The following FCHSD2 variants were observed in gnomAD, a reference collection of about 807,000 sequenced individuals.
FCHSD2 encodes the protein FCH and double SH3 domains 2.
In FCHSD2, 38 loss-of-function variants were observed where a neutral mutation model predicts 108.1. That is an observed-to-expected ratio of 0.35 (90% CI 0.27 to 0.46). The LOEUF is 0.46. Among genes scored for constraint, FCHSD2 ranks in the 20% least tolerant of loss-of-function variants. The probability of loss-of-function intolerance (pLI) is 1.00; values close to 1 mark genes in which losing one functional copy is unlikely to be tolerated. For missense variants in FCHSD2, 751 were observed against 897.8 expected (o/e 0.84, Z 2.09); for synonymous variants, 279 against 314.7 (o/e 0.89, Z 1.20).
intron 14 of FCHSD2, among the ~76,000 whole-genome samples, chr11:72,849,280 G>A (rs1484987760): frequency 6.6e-6 from 1 of 152,158 alleles, no homozygotes; most frequent in Admixed American, 6.5e-5. Flanking sequence ...GCTGGACATC[G>A]TCCTCGGGGC....
At chr11:73,005,989 C>T (rs1299951842) in intron 4 of FCHSD2, among the ~76,000 whole-genome samples, 2 of 151,506 alleles carry the variant, frequency 1.3e-5, no homozygotes, top group Non-Finnish European at 1.5e-5. Context: ...CTTACTACAG[C>T]CTCGAACCCC....
intron 9 of FCHSD2, among the ~76,000 whole-genome samples, chr11:72,913,295 G>A (rs1565319736): frequency 6.6e-6 from 1 of 152,070 alleles, no homozygotes; most frequent in Non-Finnish European, 1.5e-5. Context: ...TTGAGACAGA[G>A]TCTCAGTCTG....
intron 8 of FCHSD2, among the ~76,000 whole-genome samples, chr11:72,925,165 T>C (rs997498418): frequency 3.3e-5 from 5 of 152,176 alleles, no homozygotes; most frequent in African/African-American, 1.2e-4. Context: ...CTGTGCTAGC[T>C]GTATGGGTGC....
chr11:72,995,441 C>T (rs949546730), intron 5 of FCHSD2, among the ~76,000 whole-genome samples: 1 of 151,988 alleles, frequency 6.6e-6, no homozygotes, highest in Non-Finnish European at 1.5e-5. Flanking sequence ...GTGGCTCACA[C>T]CTGTAATCTT....
chr11:73,120,818 G>T (rs1860715299), intron 2 of FCHSD2, among the ~76,000 whole-genome samples: 1 of 151,042 alleles, frequency 6.6e-6, no homozygotes, highest in Non-Finnish European at 1.5e-5. Context: ...ACAGTCTGGA[G>T]GTGAAGATAT....
chr11:72,838,534 C>A lies in FCHSD2; in HGVS notation c.*257G>T. ...AGACCACTGTTAGGCATGAGGGCTGCCCCCCTCTTTGCTCCTAGGGTCCGC... is the reference window on the plus strand; with the variant it reads ...AGACCACTGTTAGGCATGAGGGCTGACCCCCTCTTTGCTCCTAGGGTCCGC... On this transcript the variant is annotated 3_prime_UTR_variant, in exon 20 of 20. Coordinates refer to ENST00000409418, the MANE Select transcript of FCHSD2 (RefSeq NM_014824.3). The A allele has an allele frequency of 3.8e-6, 2 of 527,584 alleles. No homozygotes were observed. Among genetic ancestry groups the A allele is most frequent in the South Asian group, 4.3e-5 (2 of 46,742 alleles). 32.7% of individuals were successfully genotyped at this position (527,584 alleles called of 1,614,324 possible).
intron 13 of FCHSD2, 23 bp from the exon 14 acceptor site, chr11:72,849,912 G>C (rs1006423895): frequency 5.0e-6 from 8 of 1,596,456 alleles, no homozygotes; most frequent in Non-Finnish European, 6.8e-6. Context: ...AGAAACCATT[G>C]GCTAGTTTCC....
At chr11:72,840,822 A>T in intron 19 of FCHSD2, 55 bp downstream of exon 19, 1 of 1,286,856 alleles carries the variant, frequency 7.8e-7, no homozygotes, top group Non-Finnish European at 1.1e-6. Flanking sequence ...TTAATTCCTT[A>T]CTTTCAATTT....
At chr11:73,063,368 A>G (rs1449075983) in intron 3 of FCHSD2, among the ~76,000 whole-genome samples, 3 of 152,044 alleles carry the variant, frequency 2.0e-5, no homozygotes, top group Admixed American at 1.3e-4. Context: ...CACTATGAAG[A>G]AACTGCATCA....
chr11:73,023,988 G>C (rs1858169350), intron 3 of FCHSD2, among the ~76,000 whole-genome samples: 1 of 152,084 alleles, frequency 6.6e-6, no homozygotes, highest in Non-Finnish European at 1.5e-5. Flanking sequence ...GATTTTGAGG[G>C]GTTTGGGGAG....
At chr11:73,123,119 A>G (rs1221038682) in intron 2 of FCHSD2, among the ~76,000 whole-genome samples, 1 of 152,198 alleles carries the variant, frequency 6.6e-6, no homozygotes, top group Non-Finnish European at 1.5e-5. Context: ...AGGGAGAAAA[A>G]CACTTTATAA....
At chr11:72,999,879 ACACACACAAAC>A (rs769604217) in intron 5 of FCHSD2, among the ~76,000 whole-genome samples, 49 of 149,324 alleles carry the variant, frequency 3.3e-4, no homozygotes, top group South Asian at 6.4e-4. Flanking sequence ...ACACACACAC[ACACACACAAAC>A]ACACACACAC....
intron 2 of FCHSD2, among the ~76,000 whole-genome samples, chr11:73,087,618 T>C (rs543108864): frequency 4.7e-4 from 71 of 151,882 alleles, no homozygotes; most frequent in Non-Finnish European, 8.1e-4. Context: ...GGCAGGAGAA[T>C]TGCTTGAACC....
intron 3 of FCHSD2, among the ~76,000 whole-genome samples, chr11:73,019,591 T>A (rs1858051717): frequency 6.6e-6 from 1 of 152,100 alleles, no homozygotes; most frequent in Non-Finnish European, 1.5e-5. Context: ...ATTCATGAAA[T>A]AGACAAACAA....
At chr11:72,938,603 G>A (rs187095780) in intron 8 of FCHSD2, among the ~76,000 whole-genome samples, 13 of 152,304 alleles carry the variant, frequency 8.5e-5, no homozygotes, top group Non-Finnish European at 1.2e-4. Flanking sequence ...CATCTCACCA[G>A]ATGGAGAAGC....
At chr11:73,133,133 G>C (rs1055520889) in intron 2 of FCHSD2, among the ~76,000 whole-genome samples, 1 of 152,120 alleles carries the variant, frequency 6.6e-6, no homozygotes. Context: ...TGGCCATGAC[G>C]TGGAGAAATA....
chr11:73,030,938 T>C (rs1219389311), intron 3 of FCHSD2, among the ~76,000 whole-genome samples: 1 of 152,104 alleles, frequency 6.6e-6, no homozygotes, highest in Non-Finnish European at 1.5e-5. Context: ...GAATTTCTGC[T>C]ATTTTTTATC....
intron 10 of FCHSD2, among the ~76,000 whole-genome samples, chr11:72,901,435 A>G (rs1159696293): frequency 2.0e-5 from 3 of 152,010 alleles, no homozygotes; most frequent in Non-Finnish European, 4.4e-5. Flanking sequence ...ATAAGTAAAA[A>G]TAAAAACAAA....
intron 3 of FCHSD2, among the ~76,000 whole-genome samples, chr11:73,081,548 C>G (rs1453179326): frequency 2.0e-5 from 3 of 150,576 alleles, no homozygotes; most frequent in African/African-American, 7.3e-5. Context: ...TTTTTTTAGA[C>G]AGGGTTTCAC....
Sources: allele counts gnomAD v4.1 joint callset (sites outside exome capture counted in the v4.1 genomes callset), GRCh38; gene constraint gnomAD v4.1.1; transcripts MANE v1.5; gene names NCBI Gene and HGNC (gene_info 2026-07-23, HGNC 2026-07-21).